IPO9: variants seen among roughly 807,000 people sequenced by gnomAD.
IPO9 encodes importin 9.
Under a neutral mutation model 128.6 loss-of-function variants are expected in IPO9, and 28 were observed. The ratio of observed to expected loss-of-function variants is 0.22; its 90% CI spans 0.16 to 0.30. The LOEUF (loss-of-function observed/expected upper bound fraction) is 0.30. Among genes scored for constraint, IPO9 ranks in the 10% least tolerant of loss-of-function variants. IPO9 has a pLI of 1.00. For synonymous variants in IPO9, 455 were observed against 475.8 expected (o/e 0.96, Z 0.57); for missense variants, 935 against 1,293.9 (o/e 0.72, Z 4.26).
chr1:201,876,413 C>T lies in IPO9; in HGVS notation c.*359C>T, dbSNP rs375559770. 7.8e-6 allele frequency: 3 copies of T among 382,688 alleles called. No individual in the cohort carries two copies. The highest frequency in any genetic ancestry group is 6.4e-5 in the East Asian group (1 of 15,582). The allele number at this position is 382,688 out of a possible 1,614,324, so 23.7% of individuals were successfully genotyped here. ...ATTATTTTGCCCCGCCTCAGGAGCG[C>T]AGGAAGTCACTACCATTTATATTCT... On this transcript the variant is annotated 3_prime_UTR_variant, in exon 24 of 24. Transcript: ENST00000361565.
chr1:201,843,555 G>A (rs1680075805), intron 1 of IPO9, among the ~76,000 whole-genome samples: 1 of 152,330 alleles, frequency 6.6e-6, no homozygotes, highest in Admixed American at 6.5e-5. Context: ...TCTTGGTCGG[G>A]TGTGGTGGCC....
chr1:201,849,880 C>T (rs991952567), intron 4 of IPO9, among the ~76,000 whole-genome samples: 1 of 152,172 alleles, frequency 6.6e-6, no homozygotes, highest in Non-Finnish European at 1.5e-5. Context: ...CTTAATGACT[C>T]ATTCATTATT....
At position 201,874,121 on chromosome 1, in the gene IPO9, A is replaced by C; in HGVS notation, c.2711-129A>C. The C allele has an allele frequency of 7.9e-6, 7 of 887,922 alleles. No homozygotes were observed. The South Asian group carries it at 9.8e-5, about 12-fold the overall frequency. 55.0% of individuals were successfully genotyped at this position (887,922 alleles called of 1,614,324 possible). A position where few individuals can be genotyped will look rare whatever the true frequency, so the allele number is the denominator to read the frequency against. On this transcript the variant is annotated intron_variant, in intron 20 of 23. Coordinates refer to ENST00000361565, the MANE Select transcript of IPO9 (RefSeq NM_018085.5). ...CTTTAAGTCACTCTTTGGAGACTGG[A>C]TATAGTCAGGTACAGTGAAAGTCTG...
At chr1:201,854,508 G>A (rs950460136) in intron 6 of IPO9, 87 bp from the exon 7 acceptor site, 3 of 1,515,186 alleles carry the variant, frequency 2.0e-6, no homozygotes, top group South Asian at 1.2e-5. Context: ...AGCTTTAGGT[G>A]CCTTTCAAAT....
At position 201,881,233 on chromosome 1, in the gene IPO9, C is replaced by T. The variant is rs999294820; in HGVS notation, c.*5179C>T. 5 of 143,310 alleles carry T rather than the reference C, an allele frequency of 3.5e-5. No individual in the cohort carries two copies. The highest frequency in any genetic ancestry group is 1.3e-4 in the African/African-American group (5 of 37,810). 8.9% of individuals were successfully genotyped at this position (143,310 alleles called of 1,614,324 possible). ...AATACCTGCTTCTGGAGTATTTAAA[C>T]GCCAGTGGGTATGCTAAATACTTTT... On this transcript the variant is annotated 3_prime_UTR_variant, in exon 24 of 24. Transcript: ENST00000361565.
At chr1:201,842,686 T>C (rs1266638927) in intron 1 of IPO9, among the ~76,000 whole-genome samples, 1 of 152,214 alleles carries the variant, frequency 6.6e-6, no homozygotes, top group Non-Finnish European at 1.5e-5. Context: ...TGATCCCTTA[T>C]GTCAATAGGA....
chr1:201,872,994 C>G (rs776136729), intron 20 of IPO9, 33 bp downstream of exon 20: 2 of 1,593,850 alleles, frequency 1.3e-6, no homozygotes, highest in Admixed American at 1.7e-5. Flanking sequence ...CAATCCTCTC[C>G]CTATACGAAG....
rs1558226028 is a variant in IPO9, at chr1:201,874,363, T to A, written c.2824T>A (p.Trp942Arg). The A allele has an allele frequency of 6.2e-7, 1 of 1,613,534 alleles. No individual in the cohort carries two copies. The highest frequency in any genetic ancestry group is 8.5e-7 in the Non-Finnish European group (1 of 1,179,706). Residue 942 changes from tryptophan (W) to arginine (R), a missense_variant, in exon 21 of 24, where the codon TGG becomes AGG. Physicochemically the swap from Trp to Arg is moderately radical, Grantham distance 101. Coordinates refer to ENST00000361565, the MANE Select transcript of IPO9 (RefSeq NM_018085.5). Reference protein sequence around the residue: ...NAARQATPAEWSQDDSNDMWE... With the variant: ...NAARQATPAERSQDDSNDMWE... ...CGCTCGCCAGGCCACTCCTGCAGAG[T>A]GGAGTCAAGGTGCACCAGGCCCTTA...
chr1:201,836,517 C>T (rs1558215247), intron 1 of IPO9, among the ~76,000 whole-genome samples: 8 of 152,168 alleles, frequency 5.3e-5, no homozygotes. Context: ...TCCTTAGTAG[C>T]TGGGACTACA....
Position 201,865,451 on chromosome 1 carries a change from G to A in IPO9, c.1629-1282G>A, listed in dbSNP as rs189997625. On this transcript the variant is annotated intron_variant, in intron 14 of 23. Transcript: ENST00000361565. ...TCAAACTCCTGACCTCGGGTGATCCGCTCGCCCCCACCTCCCAAAGTGCTG... is the reference window on the plus strand; with the variant it reads ...TCAAACTCCTGACCTCGGGTGATCCACTCGCCCCCACCTCCCAAAGTGCTG... Among the ~76,000 whole-genome samples, 126 of 152,086 alleles carry A rather than the reference G, an allele frequency of 8.3e-4. 6 individuals are homozygous for A. Among genetic ancestry groups the A allele is most frequent in the Non-Finnish European group, 2.1e-4 (14 of 67,976 alleles).
chr1:201,846,353 ATATTTTGTTTTTGTTT>A (rs1390397863), intron 1 of IPO9, among the ~76,000 whole-genome samples: 2 of 152,076 alleles, frequency 1.3e-5, no homozygotes, highest in African/African-American at 4.8e-5. Context: ...TGGTCCCATG[ATATTTTGTTTTTGTTT>A]TGTTTTGTTT....
chr1:201,853,886 G>C (rs1040106006), intron 6 of IPO9, among the ~76,000 whole-genome samples: 1 of 152,180 alleles, frequency 6.6e-6, no homozygotes, highest in Non-Finnish European at 1.5e-5. Flanking sequence ...CTACAGGCAC[G>C]CGCCATCATG....
In IPO9 at chr1:201,878,372, T is replaced by C. The variant is rs1397380612; in HGVS notation, c.*2318T>C. 1.3e-5 allele frequency: 2 copies of C among 152,670 alleles called. No homozygotes were observed. Among genetic ancestry groups the C allele is most frequent in the African/African-American group, 4.8e-5 (2 of 41,464 alleles). 9.5% of individuals were successfully genotyped at this position (152,670 alleles called of 1,614,324 possible). A position where few individuals can be genotyped will look rare whatever the true frequency, so the allele number is the denominator to read the frequency against. On this transcript the variant is annotated 3_prime_UTR_variant, in exon 24 of 24. Transcript: ENST00000361565. ...TGGTCTCATGCCAGTAGCATTGAAC[T>C]GCTGAGCTTGGGAAGGCTTAAGGCT...
rs752019551 is a variant in IPO9 at position 201,875,992 on chromosome 1, A to G, written c.3064A>G (p.Ile1022Val). ...CCAGTTTGCTCAGCAGCCCTGCTACATAATGTTTTCAGGCCACCTTAATGA... is the reference window on the plus strand; with the variant it reads ...CCAGTTTGCTCAGCAGCCCTGCTACGTAATGTTTTCAGGCCACCTTAATGA... ...LCQFAQQPCYIMFSGHLNDNE... is the reference protein window; with the variant it reads ...LCQFAQQPCYVMFSGHLNDNE... Residue 1022 changes from isoleucine to valine, a missense_variant, in exon 24 of 24, where the codon ATA becomes GTA. Ile to Val is a conservative substitution (Grantham distance 29). Coordinates refer to ENST00000361565, the MANE Select transcript of IPO9 (RefSeq NM_018085.5). 6.2e-7 allele frequency: 1 copy of G among 1,614,110 alleles called. No individual in the cohort carries two copies. Among genetic ancestry groups the G allele is most frequent in the Non-Finnish European group, 8.5e-7 (1 of 1,179,908 alleles).
chr1:201,860,451 T>G (rs1680423111), intron 13 of IPO9, among the ~76,000 whole-genome samples: 1 of 152,220 alleles, frequency 6.6e-6, no homozygotes, highest in Non-Finnish European at 1.5e-5. Context: ...AAATCATGTC[T>G]AATCTTTGTA....
chr1:201,876,316 C>G lies in IPO9; in HGVS notation c.*262C>G, dbSNP rs1379234052. On this transcript the variant is annotated 3_prime_UTR_variant, in exon 24 of 24. Transcript: ENST00000361565. ...CCTTTTTTCTCCCCGACTCTACCCC[C>G]ACCTCTGTTCCTAGAGCCCTCTGCT... 1.4e-5 allele frequency: 8 copies of G among 580,114 alleles called. No homozygotes were observed. The Admixed American group carries it at 1.5e-4, about 11-fold the overall frequency. The allele number at this position is 580,114 out of a possible 1,614,324, so 35.9% of individuals were successfully genotyped here. A position where few individuals can be genotyped will look rare whatever the true frequency, so the allele number is the denominator to read the frequency against.
chr1:201,850,541 G>A (rs559733272), intron 4 of IPO9: 6 of 152,228 alleles, frequency 3.9e-5, no homozygotes, highest in East Asian at 3.9e-4. Flanking sequence ...CTTTTTCTTC[G>A]TTCTCAAAGA....
rs1431183825 is a variant in IPO9 at position 201,870,466 on chromosome 1, T to C, written c.2134-117T>C. On this transcript the variant is annotated intron_variant, in intron 17 of 23. Transcript: ENST00000361565. The surrounding 1 kb of genome is among the most constrained non-coding windows in gnomAD (Gnocchi z 4.9). ...TGGTATGAGCCCACCACAAACATTA[T>C]AGACTCACCGCTTTTATGAGGCATA... The C allele has an allele frequency of 3.5e-6, 4 of 1,156,230 alleles. No individual in the cohort carries two copies. The highest frequency in any genetic ancestry group is 3.1e-5 in the African/African-American group (2 of 64,388). 71.6% of individuals were successfully genotyped at this position (1,156,230 alleles called of 1,614,324 possible). A position where few individuals can be genotyped will look rare whatever the true frequency, so the allele number is the denominator to read the frequency against.
intron 19 of IPO9, among the ~76,000 whole-genome samples, chr1:201,871,683 G>A (rs1459842269): frequency 6.6e-6 from 1 of 152,024 alleles, no homozygotes; most frequent in East Asian, 1.9e-4. Context: ...GTGAGCCACT[G>A]CTCCTGACAC....
Sources: gnomAD v4.1 joint callset for allele counts (sites outside exome capture counted in the v4.1 genomes callset) on GRCh38, gnomAD v4.1.1 for gene constraint, Gnocchi (gnomAD v3.1) non-coding constraint, MANE v1.5 for transcripts, NCBI Gene and HGNC (gene_info 2026-07-23, HGNC 2026-07-21) for gene names.